CRYBG1: variants seen among roughly 807,000 people sequenced by gnomAD.
The protein encoded by CRYBG1 is beta/gamma crystallin domain-containing protein 1.
Under a neutral mutation model 189.2 loss-of-function variants are expected in CRYBG1, and 139 were observed. The observed-to-expected ratio is 0.73, with a 90% CI of 0.64 to 0.85. The LOEUF (loss-of-function observed/expected upper bound fraction) is 0.85. CRYBG1 is among the 40% of genes least tolerant of loss of function. The pLI is 0.00. For synonymous variants in CRYBG1, 1,023 were observed against 1,017.1 expected (o/e 1.01, Z -0.11); for missense variants, 2,611 against 2,675.8 (o/e 0.98, Z 0.53).
intron 2 of CRYBG1, among the ~76,000 whole-genome samples, chr6:106,508,455 T>C (rs1773176166): frequency 1.3e-5 from 2 of 152,208 alleles, no homozygotes; most frequent in Admixed American, 6.5e-5. Flanking sequence ...CGTTCCTTTG[T>C]GCCTCTTCCC....
At chr6:106,400,332 T>C (rs978774139) in intron 1 of CRYBG1, among the ~76,000 whole-genome samples, 4 of 152,176 alleles carry the variant, frequency 2.6e-5, no homozygotes, top group African/African-American at 9.7e-5. Context: ...CTTGCACATA[T>C]AATGATAGAC....
intron 1 of CRYBG1, among the ~76,000 whole-genome samples, chr6:106,408,569 A>T (rs749848352): frequency 7.2e-5 from 11 of 152,204 alleles, no homozygotes; most frequent in African/African-American, 2.7e-4. Flanking sequence ...GACACAAAAA[A>T]AGAAAATTTC....
chr6:106,548,688 TGTTC>T (rs1452418079), intron 13 of CRYBG1, among the ~76,000 whole-genome samples: 1 of 152,174 alleles, frequency 6.6e-6, no homozygotes, highest in Non-Finnish European at 1.5e-5. Flanking sequence ...CTTCTTTAAT[TGTTC>T]GTTGTTTTTT....
intron 13 of CRYBG1, among the ~76,000 whole-genome samples, chr6:106,546,917 G>T (rs1215586729): frequency 6.6e-6 from 1 of 152,184 alleles, no homozygotes; most frequent in Non-Finnish European, 1.5e-5. Flanking sequence ...GGAAGCAAAA[G>T]GATGCTGGGT....
chr6:106,407,547 T>G (rs538151111), intron 1 of CRYBG1, among the ~76,000 whole-genome samples: 1 of 152,178 alleles, frequency 6.6e-6, no homozygotes, highest in South Asian at 2.1e-4. Flanking sequence ...TCTACAGAAC[T>G]CTCCACCCCA....
chr6:106,564,721 C>G (rs1209850798), intron 21 of CRYBG1, among the ~76,000 whole-genome samples: 1 of 152,148 alleles, frequency 6.6e-6, no homozygotes, highest in Non-Finnish European at 1.5e-5. Flanking sequence ...ATAAGAATGA[C>G]CTAACCTCTG....
intron 1 of CRYBG1, among the ~76,000 whole-genome samples, chr6:106,414,385 C>T (rs368509536): frequency 2.0e-5 from 3 of 152,260 alleles, no homozygotes; most frequent in African/African-American, 7.2e-5. Flanking sequence ...CTGCTGTCTA[C>T]TCCTGCAGAG....
intron 8 of CRYBG1, among the ~76,000 whole-genome samples, chr6:106,536,752 C>T (rs930294393): frequency 1.2e-4 from 19 of 152,084 alleles, no homozygotes; most frequent in African/African-American, 1.7e-4. Flanking sequence ...TTGTTAAGTA[C>T]GACAATAAAG....
Position 106,495,065 on chromosome 6 carries a change from C to G in CRYBG1, c.313-16365C>G, listed in dbSNP as rs1289447947. On this transcript the variant is annotated intron_variant, in intron 2 of 21. Coordinates refer to ENST00000633556, the MANE Select transcript of CRYBG1 (RefSeq NM_001371242.2). ...TTCTACAAACTACCTACTACTTCCT[C>G]TGTTGTCTTTTCAGCAATTTTGGTT... Among the ~76,000 whole-genome samples the G allele has an allele frequency of 3.3e-5, 5 of 152,206 alleles. No individual in the cohort carries two copies. The East Asian group carries it at 9.6e-4, about 29-fold the overall frequency.
chr6:106,495,584 G>A (rs1772829235), intron 2 of CRYBG1, among the ~76,000 whole-genome samples: 1 of 150,386 alleles, frequency 6.6e-6, no homozygotes, highest in Admixed American at 6.6e-5. Flanking sequence ...ATATAGTGGG[G>A]GGGCTGAGTA....
At chr6:106,437,802 C>T (rs1041370784) in intron 1 of CRYBG1, among the ~76,000 whole-genome samples, 1 of 152,158 alleles carries the variant, frequency 6.6e-6, no homozygotes, top group African/African-American at 2.4e-5. Flanking sequence ...TCTAATATGC[C>T]ATAATACGCT....
chr6:106,555,763 T>C lies in CRYBG1; in HGVS notation c.5586-5T>C. ...TGTGCATGTGTGTGGTTTTTCCCAT[T>C]GTAGCTGGGTTGTATATGATGGAGA... On this transcript the variant is annotated splice_region_variant and splice_polypyrimidine_tract_variant and intron_variant, in intron 16 of 21. Transcript: ENST00000633556. 3 of 1,614,046 alleles carry C rather than the reference T, an allele frequency of 1.9e-6. No homozygotes were observed. Among genetic ancestry groups the C allele is most frequent in the South Asian group, 1.1e-5 (1 of 91,076 alleles).
At chr6:106,563,678 A>C in intron 20 of CRYBG1, 86 bp from the exon 21 acceptor site, 1 of 1,394,370 alleles carries the variant, frequency 7.2e-7, no homozygotes, top group African/African-American at 1.4e-5. Flanking sequence ...AGATAATTTT[A>C]AAGCCCAATG....
intron 1 of CRYBG1, among the ~76,000 whole-genome samples, chr6:106,413,390 A>T (rs1387516642): frequency 5.9e-5 from 9 of 152,158 alleles, no homozygotes; most frequent in Non-Finnish European, 2.9e-5. Flanking sequence ...AAAGTGACAG[A>T]TGTTGGCCAG....
intron 1 of CRYBG1, among the ~76,000 whole-genome samples, chr6:106,418,892 C>T (rs576014413): frequency 4.6e-5 from 7 of 152,154 alleles, no homozygotes; most frequent in Non-Finnish European, 1.0e-4. Flanking sequence ...GTAAAGTGCA[C>T]GGGGTTTTAT....
chr6:106,519,007 A>ACACACACACACC, intron 3 of CRYBG1, 124 bp from the exon 4 acceptor site: 1 of 1,027,208 alleles, frequency 9.7e-7, no homozygotes, highest in African/African-American at 1.6e-5. Flanking sequence ...ACACACACAC[A>ACACACACACACC]CCACACTCCA....
At chr6:106,568,426 C>G (rs1469390004) in intron 21 of CRYBG1, 46 bp from the exon 22 acceptor site, 1 of 1,468,200 alleles carries the variant, frequency 6.8e-7, no homozygotes, top group East Asian at 2.3e-5. Flanking sequence ...GCTATAGACC[C>G]TTCACCATGG....
At position 106,451,765 on chromosome 6, in the gene CRYBG1, C is replaced by A; in HGVS notation, c.245C>A (p.Ser82Tyr). Residue 82 changes from serine to tyrosine, a missense_variant, in exon 2 of 22, where the codon TCC becomes TAC. Physicochemically the swap from Ser to Tyr is moderately radical, Grantham distance 144. Around this residue, in one of 3 missense-constraint regions of CRYBG1, gnomAD observed 985 missense variants for 924.4 expected, o/e 1.07. Transcript: ENST00000633556. Reference protein sequence around the residue: ...SQEFPLHCGESQFFHTTSEAL... With the variant: ...SQEFPLHCGEYQFFHTTSEAL... Reference sequence around the variant, plus strand: ...GAATTTCCACTGCACTGTGGGGAATCCCAGTTCTTCCACACCACCAGTGAG... The same window carrying A: ...GAATTTCCACTGCACTGTGGGGAATACCAGTTCTTCCACACCACCAGTGAG... 5 of 1,534,744 alleles carry A rather than the reference C, an allele frequency of 3.3e-6. No individual in the cohort carries two copies. Among genetic ancestry groups the A allele is most frequent in the Non-Finnish European group, 4.4e-6 (5 of 1,146,304 alleles).
Position 106,560,904 on chromosome 6 carries a change from G to T in CRYBG1, c.5957G>T (p.Gly1986Val), listed in dbSNP as rs144319815. 5 of 1,611,618 alleles carry T rather than the reference G, an allele frequency of 3.1e-6. No individual in the cohort carries two copies. Among genetic ancestry groups the T allele is most frequent in the Non-Finnish European group, 3.4e-6 (4 of 1,178,882 alleles). Reference sequence around the variant, plus strand: ...GAATTCAGTGGCTGTCGCCAAATAGGTTCTCTACGACCTTTTGTTCAGGTA... The same window carrying T: ...GAATTCAGTGGCTGTCGCCAAATAGTTTCTCTACGACCTTTTGTTCAGGTA... ...WYEFSGCRQI[G>V]SLRPFVQKRI... Residue 1986 changes from glycine to valine, a missense_variant, in exon 19 of 22, where the codon GGT becomes GTT. By Grantham distance (109) the Gly-to-Val change is moderately radical. Around this residue, in one of 3 missense-constraint regions of CRYBG1, gnomAD observed 1,622 missense variants for 1,735.0 expected, o/e 0.93. Transcript: ENST00000633556.
Sources: gnomAD v4.1 joint callset for allele counts (sites outside exome capture counted in the v4.1 genomes callset) on GRCh38, gnomAD v4.1.1 for gene constraint, gnomAD v4.1.1 regional missense constraint, MANE v1.5 for transcripts, NCBI Gene and HGNC (gene_info 2026-07-23, HGNC 2026-07-21) for gene names.